The following GRM7 variants were observed in gnomAD, a reference collection of about 807,000 sequenced individuals.
GRM7 encodes metabotropic glutamate receptor 7.
Under a neutral mutation model 84.5 loss-of-function variants are expected in GRM7, and 35 were observed. The ratio of observed to expected loss-of-function variants is 0.41; its 90% CI spans 0.32 to 0.55. The LOEUF (loss-of-function observed/expected upper bound fraction) is 0.55. Ranked by LOEUF, GRM7 falls within the 20% of genes least tolerant of loss-of-function variation. The probability of loss-of-function intolerance (pLI) is 0.19; values close to 1 mark genes in which losing one functional copy is unlikely to be tolerated. For missense variants in GRM7, 1,003 were observed against 1,194.6 expected, an observed-to-expected ratio of 0.84 and a Z score of 2.36; for synonymous variants, 487 against 455.1, an observed-to-expected ratio of 1.07 and a Z score of -0.89.
At chr3:7,638,086 T>A (rs1698184943) in intron 8 of GRM7, among the ~76,000 whole-genome samples, 1 of 152,188 alleles carries the variant, frequency 6.6e-6, no homozygotes, top group South Asian at 2.1e-4. Context: ...TCTTCCTGGG[T>A]TATGAGTTCA....
chr3:7,469,807 A>T (rs931171822), intron 7 of GRM7, among the ~76,000 whole-genome samples: 23 of 152,224 alleles, frequency 1.5e-4, no homozygotes, highest in Admixed American at 1.4e-3. Flanking sequence ...TAAATCAAAA[A>T]TAGTACTGTT....
intron 7 of GRM7, among the ~76,000 whole-genome samples, chr3:7,509,564 C>A (rs994626886): frequency 1.3e-5 from 2 of 152,124 alleles, no homozygotes; most frequent in Non-Finnish European, 2.9e-5. Flanking sequence ...AAGTAAGATC[C>A]AATCTGATAA....
chr3:7,465,838 T>A (rs1003813841), intron 7 of GRM7, among the ~76,000 whole-genome samples: 2 of 152,104 alleles, frequency 1.3e-5, no homozygotes, highest in Non-Finnish European at 2.9e-5. Flanking sequence ...GCTCTGTAGA[T>A]CAGACTGCTC....
chr3:6,952,218 C>A (rs1692810267), intron 1 of GRM7, among the ~76,000 whole-genome samples: 1 of 152,144 alleles, frequency 6.6e-6, no homozygotes, highest in Admixed American at 6.5e-5. Flanking sequence ...TAAGGTTATT[C>A]CCTACAACCT....
intron 9 of GRM7, among the ~76,000 whole-genome samples, chr3:7,691,566 T>A (rs1188454073): frequency 6.6e-6 from 1 of 152,220 alleles, no homozygotes; most frequent in Non-Finnish European, 1.5e-5. Flanking sequence ...AGATTCTGTA[T>A]ATGAAAGCCC....
At chr3:7,589,037 T>C (rs1401356957) in intron 8 of GRM7, among the ~76,000 whole-genome samples, 1 of 152,214 alleles carries the variant, frequency 6.6e-6, no homozygotes, top group Non-Finnish European at 1.5e-5. Context: ...AAATCTGCCT[T>C]CCAATTCTAT....
intron 1 of GRM7, among the ~76,000 whole-genome samples, chr3:6,970,754 C>A (rs953650381): frequency 6.6e-6 from 1 of 152,170 alleles, no homozygotes. Context: ...CCGAGGCGGG[C>A]GGATCACGAG....
Position 7,210,302 on chromosome 3 carries a change from A to G in GRM7, c.736+63634A>G, listed in dbSNP as rs147919282. Among the ~76,000 whole-genome samples the G allele has an allele frequency of 9.6e-4, 147 of 152,354 alleles. 1 individual carries two copies. Among genetic ancestry groups the G allele is most frequent in the African/African-American group, 3.3e-3 (137 of 41,590 alleles). On this transcript the variant is annotated intron_variant, in intron 2 of 9. Transcript: ENST00000357716. ...CCATCTATTAGCTACATGGCTTCACAGCCATTAGAAACATACCCTAAGAAG... is the reference window on the plus strand; with the variant it reads ...CCATCTATTAGCTACATGGCTTCACGGCCATTAGAAACATACCCTAAGAAG...
chr3:7,202,610 C>T (rs1200392639), intron 2 of GRM7, among the ~76,000 whole-genome samples: 2 of 152,158 alleles, frequency 1.3e-5, no homozygotes, highest in African/African-American at 4.8e-5. Context: ...GGATTACAGA[C>T]ATGAGCCACA....
intron 1 of GRM7, among the ~76,000 whole-genome samples, chr3:6,993,212 G>A (rs1159604335): frequency 4.6e-5 from 7 of 152,116 alleles, no homozygotes; most frequent in Non-Finnish European, 7.4e-5. Context: ...TCCCATGGGG[G>A]AAACGGCCCT....
At chr3:7,721,414 G>A (rs190007083) in intron 9 of GRM7, among the ~76,000 whole-genome samples, 1 of 152,316 alleles carries the variant, frequency 6.6e-6, no homozygotes, top group East Asian at 1.9e-4. Flanking sequence ...TGGGCTCAAT[G>A]TGTATGTACA....
chr3:7,267,289 A>G (rs1445995109), intron 2 of GRM7, among the ~76,000 whole-genome samples: 2 of 152,260 alleles, frequency 1.3e-5, no homozygotes, highest in Non-Finnish European at 2.9e-5. Flanking sequence ...AGAAAGCTGA[A>G]GATATGTGAA....
At chr3:7,372,843 A>C (rs757639636) in intron 4 of GRM7, among the ~76,000 whole-genome samples, 1 of 152,122 alleles carries the variant, frequency 6.6e-6, no homozygotes, top group Non-Finnish European at 1.5e-5. Context: ...AAGGAAAGAA[A>C]AAAGCAGAAA....
intron 1 of GRM7, among the ~76,000 whole-genome samples, chr3:7,031,476 G>T (rs905454062): frequency 6.6e-6 from 1 of 151,690 alleles, no homozygotes; most frequent in African/African-American, 2.4e-5. Flanking sequence ...GAGTGCAGTG[G>T]CCTGATCTCG....
intron 7 of GRM7, among the ~76,000 whole-genome samples, chr3:7,465,038 G>T (rs897059249): frequency 6.6e-6 from 1 of 152,098 alleles, no homozygotes; most frequent in Admixed American, 6.5e-5. Flanking sequence ...ACTCCAAATA[G>T]CACTCAGTTT....
At chr3:7,701,166 C>G (rs3804823) in intron 9 of GRM7, among the ~76,000 whole-genome samples, 1 of 152,132 alleles carries the variant, frequency 6.6e-6, no homozygotes, top group Admixed American at 6.5e-5. Flanking sequence ...TCTGGCATAA[C>G]GATACAGGGG....
At chr3:6,872,099 T>A (rs950344005) in intron 1 of GRM7, among the ~76,000 whole-genome samples, 1 of 152,280 alleles carries the variant, frequency 6.6e-6, no homozygotes, top group East Asian at 1.9e-4. Flanking sequence ...GAAATGTTAC[T>A]TTTGGATTTG....
At chr3:7,503,567 A>G (rs138403055) in intron 7 of GRM7, among the ~76,000 whole-genome samples, 5 of 152,254 alleles carry the variant, frequency 3.3e-5, no homozygotes, top group Middle Eastern at 3.4e-3. Flanking sequence ...TGAAAACAGT[A>G]TCTTCTAATC....
intron 5 of GRM7, among the ~76,000 whole-genome samples, chr3:7,447,741 ATTTATTT>A (rs1697579636): frequency 2.0e-5 from 3 of 147,936 alleles, no homozygotes; most frequent in South Asian, 4.3e-4. Flanking sequence ...TTTTTTTAAT[ATTTATTT>A]TATTTATTTT....
Sources: gnomAD v4.1 joint callset for allele counts (sites outside exome capture counted in the v4.1 genomes callset) on GRCh38, gnomAD v4.1.1 for gene constraint, MANE v1.5 for transcripts, NCBI Gene and HGNC (gene_info 2026-07-23, HGNC 2026-07-21) for gene names.